The following FYB1 variants were observed in gnomAD, a reference collection of about 807,000 sequenced individuals.
FYB1 encodes the protein FYN binding protein 1.
In FYB1, 41 loss-of-function variants were observed where a neutral mutation model predicts 94.1. The observed-to-expected ratio is 0.44, with a 90% CI of 0.34 to 0.57. FYB1 has a LOEUF of 0.57. Ranked by LOEUF, FYB1 falls within the 20% of genes least tolerant of loss-of-function variation. The pLI, the probability that FYB1 is intolerant of heterozygous loss-of-function variation, is 0.02. For synonymous variants in FYB1, 367 were observed against 353.2 expected, an observed-to-expected ratio of 1.04 and a Z score of -0.44; for missense variants, 1,050 against 976.8, an observed-to-expected ratio of 1.07 and a Z score of -1.00.
At chr5:39,220,850 C>T (rs76645628), upstream of FYB1, among the ~76,000 whole-genome samples, 837 of 152,108 alleles carry the variant, frequency 5.5e-3, 12 homozygotes, top group African/African-American at 0.019. Context: ...AGACCTCAGG[C>T]TAAGAATTTA....
intron 1 of FYB1, among the ~76,000 whole-genome samples, chr5:39,246,057 A>G (rs559843750): frequency 6.6e-6 from 1 of 152,316 alleles, no homozygotes; most frequent in African/African-American, 2.4e-5. Context: ...AGGAAAAAGA[A>G]AGTCTGCTTT....
intron 16 of FYB1, among the ~76,000 whole-genome samples, chr5:39,112,345 G>A (rs1739145911): frequency 6.6e-6 from 1 of 151,936 alleles, no homozygotes; most frequent in African/African-American, 2.4e-5. Context: ...ATATACTCAT[G>A]TTGATGTTAA....
At chr5:39,143,487 T>C (rs1267381042) in intron 3 of FYB1, among the ~76,000 whole-genome samples, 1 of 146,574 alleles carries the variant, frequency 6.8e-6, no homozygotes, top group Non-Finnish European at 1.5e-5. Flanking sequence ...ATCTGGTCAG[T>C]GTCCTGGTAA....
chr5:39,143,413 C>T (rs1742356213), intron 3 of FYB1, among the ~76,000 whole-genome samples: 1 of 146,874 alleles, frequency 6.8e-6, no homozygotes, highest in South Asian at 2.1e-4. Flanking sequence ...TTCCATTTCT[C>T]GTCTCTCCCG....
In FYB1 at chr5:39,194,045, A is replaced by C. The variant is rs142502597; in HGVS notation, c.1135+7781T>G. Among the ~76,000 whole-genome samples, 13 of 152,330 alleles carry C rather than the reference A, an allele frequency of 8.5e-5. No homozygotes were observed. In the East Asian group the frequency reaches 1.7e-3, roughly 20 times the overall value. On this transcript the variant is annotated intron_variant, in intron 2 of 18. Transcript: ENST00000512982. ...CTGAGAGCCTGAGAGAATACTGATA[A>C]AATGATTGACACAGACATATCCTGG...
rs762180058 is a variant in FYB1, at chr5:39,138,677, T to C, written c.1374A>G (p.Glu458=). The C allele has an allele frequency of 1.3e-6, 2 of 1,524,082 alleles. No individual in the cohort carries two copies. Among genetic ancestry groups the C allele is most frequent in the Admixed American group, 3.5e-5 (2 of 56,796 alleles). The allele number at this position is 1,524,082 out of a possible 1,614,324, so 94.4% of individuals were successfully genotyped here. The change falls in exon 6 of 19, where the codon GAA becomes GAG. Residue 458 remains glutamate (E), a synonymous_variant. Transcript: ENST00000512982. ...AGNLDEEQDS[E]GETYEDIEAS... ...CATACATGTCTTCATATGTTTCTCC[T>C]TCACTGTCTTGTTCCTGTAAAGAAA...
chr5:39,191,067 A>G (rs1579621084), intron 2 of FYB1, among the ~76,000 whole-genome samples: 2 of 152,192 alleles, frequency 1.3e-5, no homozygotes, highest in South Asian at 4.1e-4. Context: ...ATTGTCGATT[A>G]CCTTCTATTC....
chr5:39,170,260 G>T, intron 2 of FYB1: 2 of 1,242,060 alleles, frequency 1.6e-6, no homozygotes, highest in Non-Finnish European at 2.3e-6. Flanking sequence ...CCTACTGAGA[G>T]CTGTTGCAGC....
intron 2 of FYB1, among the ~76,000 whole-genome samples, chr5:39,155,169 A>G (rs747673267): frequency 6.6e-6 from 1 of 152,226 alleles, no homozygotes; most frequent in African/African-American, 2.4e-5. Context: ...TTTACACAGC[A>G]TGTGACACAA....
chr5:39,246,460 T>C (rs1751482255), intron 1 of FYB1, among the ~76,000 whole-genome samples: 1 of 152,186 alleles, frequency 6.6e-6, no homozygotes, highest in Non-Finnish European at 1.5e-5. Flanking sequence ...GCATGATTAG[T>C]TAATTTTCCC....
At chr5:39,272,634 T>C (rs1186866980) in intron 1 of FYB1, among the ~76,000 whole-genome samples, 3 of 133,460 alleles carry the variant, frequency 2.2e-5, no homozygotes, top group African/African-American at 8.7e-5. Context: ...ATTGCGCCAC[T>C]GCACTCCAGT....
At chr5:39,109,177 G>A (rs543309740) in intron 17 of FYB1, among the ~76,000 whole-genome samples, 1 of 151,982 alleles carries the variant, frequency 6.6e-6, no homozygotes, top group Non-Finnish European at 1.5e-5. Flanking sequence ...CCTTCAAACT[G>A]CTGCCAACTA....
At chr5:39,170,865 T>C (rs1745192596) in intron 2 of FYB1, among the ~76,000 whole-genome samples, 1 of 152,230 alleles carries the variant, frequency 6.6e-6, no homozygotes, top group Admixed American at 6.5e-5. Flanking sequence ...CATCCAAGTC[T>C]TTCTGTTTCT....
At chr5:39,111,040 G>A (rs1409007547) in intron 16 of FYB1, among the ~76,000 whole-genome samples, 5 of 152,076 alleles carry the variant, frequency 3.3e-5, no homozygotes, top group Admixed American at 2.6e-4. Context: ...TGGATTCTAT[G>A]ATGCCTGGTT....
intron 2 of FYB1, among the ~76,000 whole-genome samples, chr5:39,161,588 G>GTT (rs562344040): frequency 2.1e-5 from 3 of 143,036 alleles, no homozygotes; most frequent in South Asian, 2.2e-4. Flanking sequence ...GAGCAATCTG[G>GTT]TTTTTTTTTT....
At chr5:39,147,846 A>G (rs1361969313) in intron 3 of FYB1, among the ~76,000 whole-genome samples, 1 of 151,118 alleles carries the variant, frequency 6.6e-6, no homozygotes, top group African/African-American at 2.4e-5. Flanking sequence ...ACGCCCGGCT[A>G]ATTTTTTGTA....
chr5:39,168,808 T>TCC (rs74566504), intron 2 of FYB1, among the ~76,000 whole-genome samples: 1 of 149,670 alleles, frequency 6.7e-6, no homozygotes. Flanking sequence ...TATTAATTCC[T>TCC]TTTTTCTTTT....
intron 10 of FYB1, 42 bp from the exon 11 acceptor site, chr5:39,127,849 T>A: frequency 6.4e-7 from 1 of 1,556,434 alleles, no homozygotes; most frequent in Non-Finnish European, 8.7e-7. Context: ...AATTTTATAA[T>A]TTGGCCATGT....
At chr5:39,158,129 G>T (rs1267512151) in intron 2 of FYB1, among the ~76,000 whole-genome samples, 1 of 152,206 alleles carries the variant, frequency 6.6e-6, no homozygotes, top group Admixed American at 6.5e-5. Flanking sequence ...AACAGGGAGT[G>T]AAATTGCAAT....
Sources: allele counts gnomAD v4.1 joint callset (sites outside exome capture counted in the v4.1 genomes callset), GRCh38; gene constraint gnomAD v4.1.1; transcripts MANE v1.5; gene names NCBI Gene and HGNC (gene_info 2026-07-23, HGNC 2026-07-21).